The following PDPR variants were observed in gnomAD, a reference collection of about 807,000 sequenced individuals.
The protein encoded by PDPR is pyruvate dehydrogenase phosphatase regulatory subunit, mitochondrial.
Under a neutral mutation model 102.2 loss-of-function variants are expected in PDPR, and 50 were observed. The observed-to-expected ratio is 0.49, with a 90% CI of 0.39 to 0.62. PDPR has a LOEUF of 0.62. Among genes scored for constraint, PDPR ranks in the 20% least tolerant of loss-of-function variants. The pLI is 0.00. For missense variants in PDPR, 625 were observed against 1,098.2 expected (o/e 0.57, Z 6.09); for synonymous variants, 259 against 406.0 (o/e 0.64, Z 4.35).
intron 3 of PDPR, among the ~76,000 whole-genome samples, chr16:70,121,689 C>CAAAA (rs145401299): frequency 7.1e-6 from 1 of 141,202 alleles, no homozygotes; most frequent in African/African-American, 2.6e-5. Context: ...GAGACTGTCT[C>CAAAA]AAAAAAAAAA....
rs1728448735 is a variant in PDPR, at chr16:70,159,784, A to G, written c.*2905A>G. On this transcript the variant is annotated 3_prime_UTR_variant, in exon 19 of 19. Transcript: ENST00000288050. ...TTGAGTGAACAGGGGAGGCCAGTAG[A>G]TGCCCCAGATCCAGAGCCGTGGCTG... is the stretch of plus-strand genomic sequence containing the variant. 6.5e-6 allele frequency: 1 copy of G among 152,946 alleles called. No homozygotes were observed. The highest frequency in any genetic ancestry group is 2.1e-4 in the South Asian group (1 of 4,838). The allele number at this position is 152,946 out of a possible 1,614,324, so 9.5% of individuals were successfully genotyped here. A position where few individuals can be genotyped will look rare whatever the true frequency, so the allele number is the denominator to read the frequency against.
At chr16:70,154,489 A>T (rs1212491852) in intron 18 of PDPR, among the ~76,000 whole-genome samples, 1 of 151,904 alleles carries the variant, frequency 6.6e-6, no homozygotes, top group Non-Finnish European at 1.5e-5. Context: ...AAACAAACAA[A>T]AAAACCCACT....
intron 10 of PDPR, among the ~76,000 whole-genome samples, chr16:70,138,350 C>G (rs1385200600): frequency 6.6e-6 from 1 of 151,980 alleles, no homozygotes; most frequent in Non-Finnish European, 1.5e-5. Flanking sequence ...TCCGTAGTAG[C>G]TGGGATTACA....
At chr16:70,134,754 C>G (rs1366673537) in intron 9 of PDPR, among the ~76,000 whole-genome samples, 1 of 149,650 alleles carries the variant, frequency 6.7e-6, no homozygotes, top group African/African-American at 2.5e-5. Context: ...CCACTGCACT[C>G]CAGCCTGGGT....
chr16:70,162,756 C>T (rs1183486133), downstream of PDPR, among the ~76,000 whole-genome samples: 5 of 152,272 alleles, frequency 3.3e-5, no homozygotes, highest in African/African-American at 7.2e-5. Flanking sequence ...AAATTCCGAC[C>T]GGCCTTCTGC....
chr16:70,123,146 C>T (rs1358345234), intron 3 of PDPR, among the ~76,000 whole-genome samples: 3 of 152,256 alleles, frequency 2.0e-5, no homozygotes, highest in Non-Finnish European at 4.4e-5. Context: ...AGCTGATCCA[C>T]CCGCCTCAGC....
chr16:70,114,486 G>T (rs556085555), intron 1 of PDPR, 46 bp downstream of exon 1: 2 of 152,308 alleles, frequency 1.3e-5, no homozygotes, highest in South Asian at 2.1e-4. Flanking sequence ...CGTCCGCGCG[G>T]GCCTAAGCGC....
intron 2 of PDPR, among the ~76,000 whole-genome samples, chr16:70,117,051 A>C (rs1962718545): frequency 6.7e-6 from 1 of 149,798 alleles, no homozygotes; most frequent in African/African-American, 2.5e-5. Context: ...GGGTTCTGCT[A>C]CTCAACAGTT....
chr16:70,120,031 C>G (rs1567517184), intron 2 of PDPR: 1 of 159,548 alleles, frequency 6.3e-6, no homozygotes, highest in Non-Finnish European at 1.4e-5. Context: ...ATTCTCCTGC[C>G]TCAGCCTCCT....
intron 17 of PDPR, 55 bp from the exon 18 acceptor site, chr16:70,153,336 T>C: frequency 6.5e-7 from 1 of 1,547,186 alleles, no homozygotes. Flanking sequence ...CCAGACATGC[T>C]CCATGCTTAA....
At position 70,156,504 on chromosome 16, in the gene PDPR, C is replaced by G; in HGVS notation, c.2265C>G (p.Leu755=). The part of the protein sequence containing the change: ...KGMDFIGRDA[L]LQQKQNGVYK... ...TGGATTTCATTGGTCGCGACGCCCTCCTGCAGCAGAAGCAGAATGGAGTGT... is the reference window on the plus strand; with the variant it reads ...TGGATTTCATTGGTCGCGACGCCCTGCTGCAGCAGAAGCAGAATGGAGTGT... The change falls in exon 19 of 19, where the codon CTC becomes CTG. Residue 755 remains leucine (L), a synonymous_variant. Coordinates refer to ENST00000288050, the MANE Select transcript of PDPR (RefSeq NM_017990.5). 6.2e-7 allele frequency: 1 copy of G among 1,613,978 alleles called. No homozygotes were observed. Among genetic ancestry groups the G allele is most frequent in the Non-Finnish European group, 8.5e-7 (1 of 1,179,820 alleles).
At chr16:70,141,488 A>C (rs1221322990) in intron 11 of PDPR, among the ~76,000 whole-genome samples, 1 of 152,292 alleles carries the variant, frequency 6.6e-6, no homozygotes, top group Non-Finnish European at 1.5e-5. Flanking sequence ...GTTAATTATC[A>C]GGGAGGAAAT....
chr16:70,134,460 A>T (rs1471603843), intron 9 of PDPR, among the ~76,000 whole-genome samples: 2 of 150,592 alleles, frequency 1.3e-5, no homozygotes, highest in South Asian at 4.2e-4. Flanking sequence ...CCTGACCTCA[A>T]GCGATCCACC....
chr16:70,153,553 T>C lies in PDPR; in HGVS notation c.2215T>C (p.Ser739Pro). 6.2e-7 allele frequency: 1 copy of C among 1,607,152 alleles called. No homozygotes were observed. Among genetic ancestry groups the C allele is most frequent in the Non-Finnish European group, 8.5e-7 (1 of 1,177,398 alleles). ...CACGCCCCTGGAATGTGGACGAGAG[T>C]CTCGGGTGAAATTAGAGAAGGTACT... is the stretch of plus-strand genomic sequence containing the variant. ...LTTPLECGRE[S>P]RVKLEKGMDF... The change falls in exon 18 of 19, where the codon TCT becomes CCT. Residue 739 changes from serine (S) to proline (P), a missense_variant. By Grantham distance (74) the Ser-to-Pro change is moderately conservative. Around this residue, in one of 11 missense-constraint regions of PDPR, gnomAD observed 303 missense variants for 258.9 expected, o/e 1.17. Coordinates refer to ENST00000288050, the MANE Select transcript of PDPR (RefSeq NM_017990.5).
rs1161835317 is a variant in PDPR at position 70,127,149 on chromosome 16, C to G, written c.228-111C>G. On this transcript the variant is annotated intron_variant, in intron 3 of 18. Transcript: ENST00000288050. ...GGATTATAAGTGTGAGCCACTGTGC[C>G]CAGCTTGTTTCCATCTTTTGGTGTT... The G allele has an allele frequency of 3.9e-6, 6 of 1,534,030 alleles. No individual in the cohort carries two copies. In the South Asian group the frequency reaches 5.2e-5, roughly 13 times the overall value.
At chr16:70,135,524 A>C (rs1336359864) in intron 9 of PDPR, among the ~76,000 whole-genome samples, 3 of 152,254 alleles carry the variant, frequency 2.0e-5, no homozygotes, top group Non-Finnish European at 4.4e-5. Context: ...AATGCAAGCC[A>C]CCATGCCCAG....
chr16:70,116,402 C>T (rs2152053706), intron 2 of PDPR, among the ~76,000 whole-genome samples: 1 of 146,582 alleles, frequency 6.8e-6, no homozygotes, highest in East Asian at 2.0e-4. Context: ...TTGTTTAAGA[C>T]AGAGTCTCAC....
Position 70,158,961 on chromosome 16 carries a change from C to T in PDPR, c.*2082C>T, listed in dbSNP as rs1397407991. ...TTACACATAGACATAACTCTTCAAC[C>T]TTAACTATGGCAATACATTTGTGCT... On this transcript the variant is annotated 3_prime_UTR_variant, in exon 19 of 19. Coordinates refer to ENST00000288050, the MANE Select transcript of PDPR (RefSeq NM_017990.5). 6.6e-6 allele frequency: 1 copy of T among 152,356 alleles called. No individual in the cohort carries two copies. The highest frequency in any genetic ancestry group is 1.5e-5 in the Non-Finnish European group (1 of 68,082). 9.4% of individuals were successfully genotyped at this position (152,356 alleles called of 1,614,324 possible).
At chr16:70,140,729 C>T (rs570749008) in intron 11 of PDPR, among the ~76,000 whole-genome samples, 171 of 152,266 alleles carry the variant, frequency 1.1e-3, no homozygotes, top group Non-Finnish European at 1.7e-3. Flanking sequence ...GCAGGACAAT[C>T]ACTTGAACCC....
Sources: allele counts gnomAD v4.1 joint callset (sites outside exome capture counted in the v4.1 genomes callset), GRCh38; gene constraint gnomAD v4.1.1; regional missense constraint gnomAD v4.1.1; transcripts MANE v1.5; gene names NCBI Gene and HGNC (gene_info 2026-07-23, HGNC 2026-07-21).